AOPEP: variants seen among roughly 807,000 people sequenced by gnomAD.
AOPEP encodes the protein aminopeptidase O.
A neutral mutation model predicts 98.1 loss-of-function variants in AOPEP; 77 were observed. The ratio of observed to expected loss-of-function variants is 0.78; its 90% CI spans 0.65 to 0.95. AOPEP has a LOEUF of 0.95. Among genes scored for constraint, AOPEP ranks in the 40% least tolerant of loss-of-function variants. AOPEP has a pLI of 0.00. For synonymous variants in AOPEP, 346 were observed against 365.3 expected, an observed-to-expected ratio of 0.95 and a Z score of 0.60; for missense variants, 1,024 against 1,024.7, an observed-to-expected ratio of 1.00 and a Z score of 0.01.
At chr9:95,115,871 T>C in the AOPEP span, among the ~76,000 whole-genome samples, 1 of 152,222 alleles carries the variant, frequency 6.6e-6, no homozygotes, top group Non-Finnish European at 1.5e-5. Flanking sequence ...GGCTCGTAAG[T>C]GATCCTCTTT....
At chr9:95,149,455 A>G in the AOPEP span, among the ~76,000 whole-genome samples, 2 of 152,202 alleles carry the variant, frequency 1.3e-5, no homozygotes, top group Non-Finnish European at 2.9e-5. Flanking sequence ...AAAAATAAAA[A>G]AATAAAATGT....
rs2058811496 is a variant in AOPEP, at chr9:94,961,143, C to T, written c.1872+5128C>T. Among the ~76,000 whole-genome samples the T allele has an allele frequency of 2.0e-5, 3 of 152,102 alleles. No individual in the cohort carries two copies. The South Asian group carries it at 6.2e-4, about 31-fold the overall frequency. The stretch of plus-strand genomic sequence containing the variant: ...TAGACATGGCTCAGCTGCTTTCTGG[C>T]ATTAAATCCTGCTGTGGAAACTTCT... On this transcript the variant is annotated intron_variant, in intron 9 of 16. Coordinates refer to ENST00000375315, the MANE Select transcript of AOPEP (RefSeq NM_001193329.3).
At chr9:95,059,881 TACAGGG>T (rs2067173974) in intron 13 of AOPEP, among the ~76,000 whole-genome samples, 3 of 152,334 alleles carry the variant, frequency 2.0e-5, no homozygotes, top group Admixed American at 2.0e-4. Flanking sequence ...TCCAGTGCAC[TACAGGG>T]CCGATCTCAC....
At chr9:95,074,737 C>T (rs1012241971) in intron 14 of AOPEP, among the ~76,000 whole-genome samples, 3 of 152,214 alleles carry the variant, frequency 2.0e-5, no homozygotes, top group African/African-American at 4.8e-5. Flanking sequence ...CTTCTTCTTG[C>T]GAGAGCTGTG....
At chr9:94,873,546 AAAG>A (rs764086726) in intron 5 of AOPEP, among the ~76,000 whole-genome samples, 7 of 152,212 alleles carry the variant, frequency 4.6e-5, no homozygotes, top group Non-Finnish European at 5.9e-5. Flanking sequence ...GCACAGATTC[AAAG>A]AAGAGACAGA....
the AOPEP span, among the ~76,000 whole-genome samples, chr9:95,119,869 G>A: frequency 2.6e-5 from 4 of 152,100 alleles, no homozygotes; most frequent in African/African-American, 7.2e-5. Context: ...GTGCCACCAC[G>A]TTCAGCTAAA....
chr9:94,744,345 A>G (rs1588005657), intron 1 of AOPEP, among the ~76,000 whole-genome samples: 2 of 152,154 alleles, frequency 1.3e-5, no homozygotes, highest in South Asian at 4.1e-4. Flanking sequence ...GTGAGCCGAG[A>G]TCGTGCCACT....
chr9:94,903,614 C>T (rs1189352474), intron 5 of AOPEP, among the ~76,000 whole-genome samples: 2 of 124,742 alleles, frequency 1.6e-5, no homozygotes, highest in Admixed American at 1.8e-4. Context: ...TGTAGCAAGA[C>T]TCCATCTCTA....
At chr9:95,096,013 G>A in the AOPEP span, among the ~76,000 whole-genome samples, 3,907 of 152,244 alleles carry the variant, frequency 0.026, 188 homozygotes, top group African/African-American at 0.09. Context: ...AGTAAGTAAT[G>A]CAGCATCTCC....
the AOPEP span, among the ~76,000 whole-genome samples, chr9:95,115,238 G>A: frequency 6.6e-6 from 1 of 152,206 alleles, no homozygotes; most frequent in Non-Finnish European, 1.5e-5. Flanking sequence ...CACCACGCTT[G>A]CCCTCAAGTA....
the AOPEP span, among the ~76,000 whole-genome samples, chr9:95,137,979 C>T: frequency 3.3e-5 from 5 of 152,230 alleles, no homozygotes; most frequent in African/African-American, 7.2e-5. Flanking sequence ...TGATCCCAGG[C>T]GGCGGCCCAG....
the AOPEP span, chr9:95,149,779 G>A: frequency 2.6e-4 from 247 of 967,766 alleles, no homozygotes; most frequent in Non-Finnish European, 3.2e-4. Flanking sequence ...ACACCTGGCC[G>A]GGATACTCAG....
At chr9:95,129,857 T>TA in the AOPEP span, among the ~76,000 whole-genome samples, 208 of 152,300 alleles carry the variant, frequency 1.4e-3, 1 homozygote, top group African/African-American at 4.9e-3. Flanking sequence ...GCCCTCCCTC[T>TA]TGTATAGACC....
chr9:95,101,721 G>A, the AOPEP span: 25 of 1,613,828 alleles, frequency 1.5e-5, no homozygotes, highest in African/African-American at 5.3e-5. Flanking sequence ...ACTTGAGTTC[G>A]CAGCTCTTTA....
downstream of AOPEP, among the ~76,000 whole-genome samples, chr9:95,091,699 A>G (rs1214072792): frequency 6.6e-6 from 1 of 151,908 alleles, no homozygotes; most frequent in South Asian, 2.1e-4. Flanking sequence ...GGTTTTATAG[A>G]TCTCTTCCCA....
the AOPEP span, among the ~76,000 whole-genome samples, chr9:95,131,806 A>G: frequency 1.3e-5 from 2 of 152,166 alleles, no homozygotes; most frequent in South Asian, 2.1e-4. Context: ...CTTCAGCACA[A>G]TATTTTACCA....
At chr9:95,143,829 A>G in the AOPEP span, among the ~76,000 whole-genome samples, 4 of 152,220 alleles carry the variant, frequency 2.6e-5, no homozygotes, top group Non-Finnish European at 5.9e-5. Flanking sequence ...GCAGGTGCCT[A>G]TGACGGCAGC....
intron 5 of AOPEP, among the ~76,000 whole-genome samples, chr9:94,872,133 C>T (rs914410507): frequency 1.3e-5 from 2 of 152,110 alleles, no homozygotes; most frequent in African/African-American, 4.8e-5. Context: ...CTTTCCTCCC[C>T]CAGGTCTTTT....
Position 94,800,854 on chromosome 9 carries a change from G to T in AOPEP, c.1216G>T (p.Val406Leu), listed in dbSNP as rs1412481698. Residue 406 changes from valine (V) to leucine (L), a missense_variant, in exon 5 of 17, where the codon GTG becomes TTG. Val to Leu is a conservative substitution (Grantham distance 32). This residue lies in a region of AOPEP where 566 missense variants were observed against 551.7 expected (regional missense o/e 1.03). Transcript: ENST00000375315. ...CATTCCTCATCGGGTCTTTGCCCCT[G>T]TGTGCCTCACGGGTGCCTGCCAAGA... ...EIIPHRVFAP[V>L]CLTGACQETL... The T allele has an allele frequency of 1.9e-6, 3 of 1,614,060 alleles. No individual in the cohort carries two copies. Among genetic ancestry groups the T allele is most frequent in the South Asian group, 2.2e-5 (2 of 91,082 alleles).
Sources: allele counts gnomAD v4.1 joint callset (sites outside exome capture counted in the v4.1 genomes callset), GRCh38; gene constraint gnomAD v4.1.1; regional missense constraint gnomAD v4.1.1; transcripts MANE v1.5; gene names NCBI Gene and HGNC (gene_info 2026-07-23, HGNC 2026-07-21).